The following STAT2 variants were observed in gnomAD, a reference collection of about 807,000 sequenced individuals.
The protein encoded by STAT2 is signal transducer and activator of transcription 2, also known as interferon alpha induced transcriptional activator.
STAT2 carries 51 observed loss-of-function variants against 122.3 expected under a neutral mutation model. That is an observed-to-expected ratio of 0.42 (90% CI 0.33 to 0.53). The LOEUF is 0.53. Among genes scored for constraint, STAT2 ranks in the 20% least tolerant of loss-of-function variants. The probability of loss-of-function intolerance (pLI) is 0.10; values close to 1 mark genes in which losing one functional copy is unlikely to be tolerated. For missense variants in STAT2, 736 were observed against 1,010.3 expected, an observed-to-expected ratio of 0.73 and a Z score of 3.68; for synonymous variants, 351 against 394.9, an observed-to-expected ratio of 0.89 and a Z score of 1.32.
intron 19 of STAT2, 151 bp downstream of exon 19, chr12:56,348,378 C>T: frequency 2.6e-6 from 2 of 775,056 alleles, no homozygotes; most frequent in East Asian, 2.7e-5. Flanking sequence ...TGAGCCACCA[C>T]ACCCGGCCTT....
rs770142165 is a variant in STAT2, at chr12:56,348,985, G to A, written c.1515C>T (p.Ser505=). 6 of 1,614,030 alleles carry A rather than the reference G, an allele frequency of 3.7e-6. No individual in the cohort carries two copies. Among genetic ancestry groups the A allele is most frequent in the Non-Finnish European group, 5.1e-6 (6 of 1,179,998 alleles). ...AGTTGAGGCCTCGGCCAACATAGGA[G>A]GAGAACTGCCAACTGAGAGCAGGGC... ...LLGPALSWQF[S]SYVGRGLNSD... The change falls in exon 17 of 24, where the codon TCC becomes TCT. Residue 505 remains serine (S), a synonymous_variant. Transcript: ENST00000314128.
rs747572198 is a variant in STAT2, at chr12:56,344,031, T to G, written c.2207A>C (p.Asp736Ala). 17 of 1,613,374 alleles carry G rather than the reference T, an allele frequency of 1.1e-5. 1 individual carries two copies. The South Asian group carries it at 1.9e-4, about 18-fold the overall frequency. Residue 736 changes from aspartate (D) to alanine (A), a missense_variant, in exon 23 of 24, where the codon GAC becomes GCC. Coordinates refer to ENST00000314128, the MANE Select transcript of STAT2 (RefSeq NM_005419.4). ...CCCTGCCTTCAGCAGTGGCTCTAAG[T>G]CCAGGCTGAGCTCTGGCTCTGGCAC... The part of the protein sequence containing the change: ...GLVPEPELSL[D>A]LEPLLKAGLD...
intron 21 of STAT2, 62 bp downstream of exon 21, chr12:56,346,380 G>A (rs942754809): frequency 9.4e-6 from 15 of 1,595,182 alleles, no homozygotes; most frequent in East Asian, 2.2e-5. Flanking sequence ...GGAAGGAGTG[G>A]GATCTATGGA....
Position 56,344,063 on chromosome 12 carries a change from T to C in STAT2, c.2175A>G (p.Leu725=). 3.1e-6 allele frequency: 5 copies of C among 1,606,874 alleles called. No homozygotes were observed. Among genetic ancestry groups the C allele is most frequent in the Non-Finnish European group, 4.3e-6 (5 of 1,176,034 alleles). The change falls in exon 23 of 24, where the codon CTA becomes CTG. Residue 725 remains leucine (L), a synonymous_variant. Coordinates refer to ENST00000314128, the MANE Select transcript of STAT2 (RefSeq NM_005419.4). ...EPELESLELE[L]GLVPEPELSL... ...TGAGCTCTGGCTCTGGCACCAGCCC[T>C]AGTTCCAGCTCTAATGACTCCAGCT...
At position 56,346,880 on chromosome 12, in the gene STAT2, C is replaced by G; in HGVS notation, c.1800G>C (p.Leu600=). ...LKKTMSGTFL[L]RFSESSEGGI... is the part of the protein sequence containing the mutation. ...CCCCTTCTGACGATTCACTGAAGCG[C>G]AGTAGAAAGGTGCCAGACATGGTCT... Residue 600 remains leucine (L), a synonymous_variant, in exon 20 of 24, where the codon CTG becomes CTC. Coordinates refer to ENST00000314128, the MANE Select transcript of STAT2 (RefSeq NM_005419.4). 1 of 1,614,208 alleles carries G rather than the reference C, an allele frequency of 6.2e-7. No homozygotes were observed. The highest frequency in any genetic ancestry group is 1.6e-4 in the Middle Eastern group (1 of 6,062).
At position 56,346,905 on chromosome 12, in the gene STAT2, T is replaced by G; in HGVS notation, c.1775A>C (p.Lys592Thr). The G allele has an allele frequency of 6.2e-7, 1 of 1,614,194 alleles. No homozygotes were observed. Among genetic ancestry groups the G allele is most frequent in the Non-Finnish European group, 8.5e-7 (1 of 1,180,030 alleles). ...CAGTAGAAAGGTGCCAGACATGGTC[T>G]TCTTCAGCAGCCGGCGCTCCTGGCT... ...SRSQERRLLK[K>T]TMSGTFLLRF... The change falls in exon 20 of 24, where the codon AAG (lysine) becomes ACG (threonine). Residue 592 changes from lysine to threonine, a missense_variant. Coordinates refer to ENST00000314128, the MANE Select transcript of STAT2 (RefSeq NM_005419.4).
In STAT2 at chr12:56,354,800, T is replaced by C. The variant is rs1430940937; in HGVS notation, c.611A>G (p.Asn204Ser). ...KEQKILQETLNELDKRRKEVL... is the reference protein window; with the variant it reads ...KEQKILQETLSELDKRRKEVL... The stretch of plus-strand genomic sequence containing the variant: ...CACCTTTCTCCTTTTGTCCAGTTCA[T>C]TGAGAGTTTCCTGCAGAATCTTCTG... The change falls in exon 7 of 24, where the codon AAT becomes AGT. Residue 204 changes from asparagine (N) to serine (S), a missense_variant. Asn to Ser is a conservative substitution (Grantham distance 46). Transcript: ENST00000314128. 1.2e-5 allele frequency: 20 copies of C among 1,614,094 alleles called. No homozygotes were observed. The highest frequency in any genetic ancestry group is 1.6e-5 in the Non-Finnish European group (19 of 1,180,034).
chr12:56,353,220 G>A (rs1353947913), intron 8 of STAT2, among the ~76,000 whole-genome samples: 8 of 152,152 alleles, frequency 5.3e-5, no homozygotes, highest in African/African-American at 1.7e-4. Context: ...CTGACCTCAA[G>A]TGATCCACCC....
chr12:56,350,257 A>G, intron 12 of STAT2, 67 bp from the exon 13 acceptor site: 1 of 1,475,352 alleles, frequency 6.8e-7, no homozygotes, highest in Non-Finnish European at 9.3e-7. Context: ...CAGAAAAAAA[A>G]AAACAGAAGT....
chr12:56,353,766 G>T (rs1432451301), intron 8 of STAT2, among the ~76,000 whole-genome samples: 1 of 151,326 alleles, frequency 6.6e-6, no homozygotes, highest in East Asian at 1.9e-4. Flanking sequence ...GCCCAAGTTG[G>T]GTGGATCACC....
chr12:56,354,425 C>CA, intron 8 of STAT2, 41 bp downstream of exon 8: 1 of 1,612,990 alleles, frequency 6.2e-7, no homozygotes. Flanking sequence ...TTACAAATCA[C>CA]AGCGCATGGC....
chr12:56,355,899 C>T, intron 3 of STAT2, 96 bp from the exon 4 acceptor site: 6 of 1,378,682 alleles, frequency 4.4e-6, no homozygotes, highest in Non-Finnish European at 5.1e-6. Context: ...GTATTTCCTC[C>T]TCCTTCGGGG....
At chr12:56,355,103 AC>A in intron 6 of STAT2, 172 bp downstream of exon 6, 1 of 764,384 alleles carries the variant, frequency 1.3e-6, no homozygotes, top group Non-Finnish European at 2.1e-6. Flanking sequence ...TCTCAGCTGC[AC>A]CTCCAGCTCA....
intron 1 of STAT2, among the ~76,000 whole-genome samples, chr12:56,357,427 G>A (rs1294838895): frequency 1.3e-5 from 2 of 149,636 alleles, no homozygotes; most frequent in Non-Finnish European, 3.0e-5. Context: ...TGCAAGCTCC[G>A]CCTCCCGGGC....
intron 23 of STAT2, 136 bp from the exon 24 acceptor site, chr12:56,343,667 G>T: frequency 6.6e-7 from 1 of 1,516,518 alleles, no homozygotes; most frequent in Non-Finnish European, 8.9e-7. Flanking sequence ...AGAGCAGGGA[G>T]GTGGGGGAAG....
At chr12:56,350,341 AGG>A in intron 12 of STAT2, 69 bp downstream of exon 12, 1 of 1,512,270 alleles carries the variant, frequency 6.6e-7, no homozygotes. Flanking sequence ...TTGTGCCACC[AGG>A]GCTGCCGAAT....
chr12:56,346,199 A>T lies in STAT2; in HGVS notation c.2049T>A (p.Asn683Lys), dbSNP rs1877427909. The T allele has an allele frequency of 6.2e-6, 10 of 1,614,102 alleles. No individual in the cohort carries two copies. The highest frequency in any genetic ancestry group is 8.5e-6 in the Non-Finnish European group (10 of 1,179,994). ...TCAGGTATTTCCTCCGTTCCTGGAG[A>T]TTAACTGTGAGGAACATATACAAGA... ...AFGCYYQEKV[N>K]LQERRKYLKH... The change falls in exon 22 of 24, where the codon AAT becomes AAA. Residue 683 changes from asparagine (N) to lysine (K), a missense_variant. Transcript: ENST00000314128.
chr12:56,343,354 C>A lies in STAT2; in HGVS notation c.*35G>T. 6.2e-7 allele frequency: 1 copy of A among 1,600,200 alleles called. No homozygotes were observed. The highest frequency in any genetic ancestry group is 8.5e-7 in the Non-Finnish European group (1 of 1,170,998). ...ATCATGCTATGAGGAGTAGGAAGGG[C>A]AAGAGATATGAAAAGAACAGAGGAA... On this transcript the variant is annotated 3_prime_UTR_variant, in exon 24 of 24. Transcript: ENST00000314128.
intron 22 of STAT2, among the ~76,000 whole-genome samples, chr12:56,344,716 C>A (rs1877089386): frequency 6.6e-6 from 1 of 152,008 alleles, no homozygotes; most frequent in East Asian, 1.9e-4. Context: ...ACTAAAAATA[C>A]AAAAGTTAGG....
Sources: gnomAD v4.1 joint callset for allele counts (sites outside exome capture counted in the v4.1 genomes callset) on GRCh38, gnomAD v4.1.1 for gene constraint, MANE v1.5 for transcripts, NCBI Gene and HGNC (gene_info 2026-07-23, HGNC 2026-07-21) for gene names.